TNR: variants seen among roughly 807,000 people sequenced by gnomAD.
TNR encodes tenascin R, also known as tenascin-R.
A neutral mutation model predicts 150.4 loss-of-function variants in TNR; 45 were observed. The observed-to-expected ratio is 0.30, with a 90% confidence interval of 0.24 to 0.38. TNR has a LOEUF of 0.38. TNR is among the 10% of genes least tolerant of loss of function. The pLI is 1.00. For missense variants in TNR, 1,544 were observed against 1,759.1 expected (o/e 0.88, Z 2.19); for synonymous variants, 687 against 678.4 (o/e 1.01, Z -0.20).
Position 175,316,380 on chromosome 1 carries a change from G to T in TNR, c.*6977C>A, listed in dbSNP as rs1369883624. 6.6e-6 allele frequency: 1 copy of T among 152,148 alleles called. No homozygotes were observed. The highest frequency in any genetic ancestry group is 2.4e-5 in the African/African-American group (1 of 41,416). 9.4% of individuals were successfully genotyped at this position (152,148 alleles called of 1,614,324 possible). Reference sequence around the variant, plus strand: ...ATTTCCACTGATGTACTCCCGCAGGGGACTGTGAAGGTGTTTGTACCCCTG... The same window carrying T: ...ATTTCCACTGATGTACTCCCGCAGGTGACTGTGAAGGTGTTTGTACCCCTG... On this transcript the variant is annotated 3_prime_UTR_variant, in exon 23 of 23. Transcript: ENST00000367674.
At chr1:175,575,604 G>GGA (rs917897629) in intron 1 of TNR, among the ~76,000 whole-genome samples, 2 of 152,074 alleles carry the variant, frequency 1.3e-5, no homozygotes, top group Non-Finnish European at 2.9e-5. Context: ...AGAACTCAAA[G>GGA]GAGAGAGAGA....
chr1:175,579,165 T>TTCC (rs1662239786), intron 1 of TNR, among the ~76,000 whole-genome samples: 2 of 134,380 alleles, frequency 1.5e-5, no homozygotes, highest in South Asian at 2.7e-4. Flanking sequence ...TCGTTCCTTC[T>TTCC]TTCCTTCCTT....
chr1:175,698,572 G>T (rs1415941093), intron 1 of TNR, among the ~76,000 whole-genome samples: 1 of 152,142 alleles, frequency 6.6e-6, no homozygotes, highest in Non-Finnish European at 1.5e-5. Flanking sequence ...GGGTGCAGTG[G>T]CTCATGCCTG....
intron 2 of TNR, among the ~76,000 whole-genome samples, chr1:175,453,073 T>A (rs10753106): frequency 4.6e-5 from 7 of 151,852 alleles, no homozygotes; most frequent in African/African-American, 1.7e-4. Context: ...TTAATGCCAG[T>A]GAATTATACA....
chr1:175,404,039 T>C (rs1285218705), intron 3 of TNR, among the ~76,000 whole-genome samples: 1 of 152,080 alleles, frequency 6.6e-6, no homozygotes. Flanking sequence ...AAGAGTCACT[T>C]GGGTTCAGTT....
At position 175,335,739 on chromosome 1, in the gene TNR, G is replaced by A. The variant is rs765280460; in HGVS notation, c.3603C>T (p.Phe1201=). 39 of 1,613,934 alleles carry A rather than the reference G, an allele frequency of 2.4e-5. No homozygotes were observed. The highest frequency in any genetic ancestry group is 1.7e-4 in the Admixed American group (10 of 59,990). ...GCCAGAACTCATCCTCCACGTTCCC[G>A]AAGCCAACACGGTAATCAGCCCATT... ...FRKWADYRVG[F]GNVEDEFWLG... Residue 1201 remains phenylalanine (F), a synonymous_variant, in exon 20 of 23, where the codon TTC becomes TTT. Coordinates refer to ENST00000367674, the MANE Select transcript of TNR (RefSeq NM_003285.3).
At chr1:175,624,284 G>T (rs1435832123) in intron 1 of TNR, among the ~76,000 whole-genome samples, 1 of 150,770 alleles carries the variant, frequency 6.6e-6, no homozygotes, top group East Asian at 1.9e-4. Context: ...GAGAGTGTGT[G>T]CTGGGTTGAT....
intron 2 of TNR, among the ~76,000 whole-genome samples, chr1:175,437,906 A>G (rs1356461644): frequency 6.6e-6 from 1 of 152,236 alleles, no homozygotes; most frequent in Admixed American, 6.5e-5. Flanking sequence ...AACCAAAAAA[A>G]GTCCAGGACC....
chr1:175,495,953 C>T (rs1658469367), intron 2 of TNR, among the ~76,000 whole-genome samples: 1 of 152,208 alleles, frequency 6.6e-6, no homozygotes, highest in Non-Finnish European at 1.5e-5. Context: ...TCCCCACATC[C>T]TGTCACCATG....
intron 9 of TNR, among the ~76,000 whole-genome samples, chr1:175,371,078 A>AC (rs1175140670): frequency 7.9e-5 from 12 of 151,586 alleles, no homozygotes; most frequent in Non-Finnish European, 1.5e-4. Context: ...GAAAAAAAAA[A>AC]AAACCACATG....
rs1054763108 is a variant in TNR, at chr1:175,318,862, G to A, written c.*4495C>T. 3 of 152,212 alleles carry A rather than the reference G, an allele frequency of 2.0e-5. No homozygotes were observed. Among genetic ancestry groups the A allele is most frequent in the Non-Finnish European group, 4.4e-5 (3 of 68,042 alleles). 9.4% of individuals were successfully genotyped at this position (152,212 alleles called of 1,614,324 possible). A position where few individuals can be genotyped will look rare whatever the true frequency, so the allele number is the denominator to read the frequency against. ...CTTCACACATCTGCCCCATTCCTCT[G>A]AGGTCCTGAGACTCCTCCTGCAGCC... On this transcript the variant is annotated 3_prime_UTR_variant, in exon 23 of 23. Coordinates refer to ENST00000367674, the MANE Select transcript of TNR (RefSeq NM_003285.3).
intron 1 of TNR, among the ~76,000 whole-genome samples, chr1:175,741,382 G>T (rs1667928664): frequency 6.6e-6 from 1 of 152,176 alleles, no homozygotes; most frequent in Admixed American, 6.5e-5. Context: ...ACTAAGTATG[G>T]TGACTTCAGT....
At chr1:175,474,984 G>C (rs1389080880) in intron 2 of TNR, among the ~76,000 whole-genome samples, 1 of 152,202 alleles carries the variant, frequency 6.6e-6, no homozygotes, top group Non-Finnish European at 1.5e-5. Context: ...GCCAGGCATA[G>C]AGAGAATGTT....
chr1:175,363,709 T>C lies in TNR; in HGVS notation c.2706A>G (p.Gln902=). The C allele has an allele frequency of 6.2e-7, 1 of 1,612,928 alleles. No individual in the cohort carries two copies. Among genetic ancestry groups the C allele is most frequent in the Non-Finnish European group, 8.5e-7 (1 of 1,179,512 alleles). The change falls in exon 13 of 23, where the codon CAA becomes CAG. Residue 902 remains glutamine (Q), a splice_region_variant and synonymous_variant. Coordinates refer to ENST00000367674, the MANE Select transcript of TNR (RefSeq NM_003285.3). ...TGAGAAATCAAATCACTTTGTTACC[T>C]TGGGTGGGTCGATATGATACTCGGT... ...DYYRVSYRPT[Q]VGRLDSSVVP... is the part of the protein sequence containing the mutation.
intron 1 of TNR, among the ~76,000 whole-genome samples, chr1:175,567,098 G>T (rs536982463): frequency 1.3e-5 from 2 of 152,040 alleles, no homozygotes; most frequent in East Asian, 1.9e-4. Flanking sequence ...CACCTACAGT[G>T]GTTACCCTTT....
chr1:175,412,121 C>A (rs1654240059), intron 2 of TNR, among the ~76,000 whole-genome samples: 1 of 152,074 alleles, frequency 6.6e-6, no homozygotes, highest in South Asian at 2.1e-4. Flanking sequence ...TGAAGAAAAT[C>A]AATCTCAGGA....
intron 1 of TNR, among the ~76,000 whole-genome samples, chr1:175,577,751 C>T (rs571133747): frequency 1.3e-5 from 2 of 152,274 alleles, no homozygotes; most frequent in African/African-American, 4.8e-5. Flanking sequence ...CTTTCCTGCA[C>T]TGTATTTGAT....
rs114910751 is a variant in TNR at position 175,612,432 on chromosome 1, A to T, written c.-164-84063T>A. 8.2e-3 allele frequency among the ~76,000 whole-genome samples: 1,243 copies of T among 152,310 alleles called. 14 individuals are homozygous for T. Among genetic ancestry groups the T allele is most frequent in the African/African-American group, 0.028 (1,170 of 41,548 alleles). Reference sequence around the variant, plus strand: ...ATTCCTCTTGTTGCAGAGGAAATTCAGGTTGTGGGCAATGACCTTCTATTT... The same window carrying T: ...ATTCCTCTTGTTGCAGAGGAAATTCTGGTTGTGGGCAATGACCTTCTATTT... On this transcript the variant is annotated intron_variant, in intron 1 of 22. Coordinates refer to ENST00000367674, the MANE Select transcript of TNR (RefSeq NM_003285.3).
intron 1 of TNR, among the ~76,000 whole-genome samples, chr1:175,611,445 G>T (rs1480187421): frequency 6.6e-6 from 1 of 151,978 alleles, no homozygotes; most frequent in African/African-American, 2.4e-5. Flanking sequence ...CAACCCTCCT[G>T]TCTCAGCCTC....
Sources: allele counts gnomAD v4.1 joint callset (sites outside exome capture counted in the v4.1 genomes callset), GRCh38; gene constraint gnomAD v4.1.1; transcripts MANE v1.5; gene names NCBI Gene and HGNC (gene_info 2026-07-23, HGNC 2026-07-21).